COL4A2: variants seen among roughly 807,000 people sequenced by gnomAD.
COL4A2 encodes the protein collagen alpha-2(IV) chain.
COL4A2 carries 99 observed loss-of-function variants against 200.2 expected under a neutral mutation model. The observed-to-expected ratio is 0.49, with a 90% CI of 0.42 to 0.58. COL4A2 has a LOEUF of 0.58. Among genes scored for constraint, COL4A2 ranks in the 20% least tolerant of loss-of-function variants. The pLI is 0.00. For synonymous variants in COL4A2, 897 were observed against 900.6 expected, an observed-to-expected ratio of 1.00 and a Z score of 0.07; for missense variants, 1,950 against 2,314.1, an observed-to-expected ratio of 0.84 and a Z score of 3.23.
intron 4 of COL4A2, 141 bp downstream of exon 4, chr13:110,357,693 T>A: frequency 7.8e-7 from 1 of 1,283,038 alleles, no homozygotes; most frequent in Non-Finnish European, 1.1e-6. Context: ...CACACAAACC[T>A]AGATGGCCGG....
At position 110,473,153 on chromosome 13, in the gene COL4A2, G is replaced by A. The variant is rs1218356969; in HGVS notation, c.2425+3G>A. 1.9e-6 allele frequency: 3 copies of A among 1,552,480 alleles called. No homozygotes were observed. The highest frequency in any genetic ancestry group is 2.6e-6 in the Non-Finnish European group (3 of 1,148,288). On this transcript the variant is annotated splice_donor_region_variant and intron_variant, in intron 29 of 47. Coordinates refer to ENST00000360467, the MANE Select transcript of COL4A2 (RefSeq NM_001846.4). The stretch of plus-strand genomic sequence containing the variant: ...CAGAGGCCCCCCTGGATTCAGAGGT[G>A]AGTGCCCCATCGGGGAGCCGGGGGC...
chr13:110,350,578 A>G (rs1045452688), intron 3 of COL4A2, among the ~76,000 whole-genome samples: 1 of 152,202 alleles, frequency 6.6e-6, no homozygotes, highest in Middle Eastern at 3.2e-3. Context: ...TGAACCTGTA[A>G]TAACTCCTAC....
chr13:110,426,022 G>A (rs2139455341), intron 6 of COL4A2, among the ~76,000 whole-genome samples: 1 of 152,268 alleles, frequency 6.6e-6, no homozygotes, highest in South Asian at 2.1e-4. Flanking sequence ...CAGGCACTTG[G>A]GTTTACCACA....
intron 15 of COL4A2, among the ~76,000 whole-genome samples, chr13:110,439,438 G>A (rs1881039518): frequency 6.6e-6 from 1 of 152,136 alleles, no homozygotes; most frequent in Non-Finnish European, 1.5e-5. Context: ...TGAAAGTATT[G>A]CTAAAATGAT....
At position 110,358,195 on chromosome 13, in the gene COL4A2, T is replaced by C. The variant is rs553963201; in HGVS notation, c.180+643T>C. 1.9e-3 allele frequency among the ~76,000 whole-genome samples: 289 copies of C among 152,338 alleles called. 2 individuals are homozygous for C. Among genetic ancestry groups the C allele is most frequent in the Non-Finnish European group, 2.8e-3 (188 of 68,032 alleles). On this transcript the variant is annotated intron_variant, in intron 4 of 47. Coordinates refer to ENST00000360467, the MANE Select transcript of COL4A2 (RefSeq NM_001846.4). ...CGTTTTTATTCGATGTTTTTTTCTATTAAAAAAATTTTTTTTTACTTTTTA... is the reference window on the plus strand; with the variant it reads ...CGTTTTTATTCGATGTTTTTTTCTACTAAAAAAATTTTTTTTTACTTTTTA...
At chr13:110,449,307 A>G (rs888554443) in intron 18 of COL4A2, among the ~76,000 whole-genome samples, 7 of 145,734 alleles carry the variant, frequency 4.8e-5, no homozygotes, top group African/African-American at 1.2e-4. Context: ...TTTGTTATGC[A>G]TCCAGCAGAC....
intron 4 of COL4A2, among the ~76,000 whole-genome samples, chr13:110,416,715 A>G (rs898815019): frequency 6.6e-6 from 1 of 152,226 alleles, no homozygotes. Flanking sequence ...ATAAAACTAT[A>G]TAATAGCATC....
intron 3 of COL4A2, among the ~76,000 whole-genome samples, chr13:110,350,566 G>GCTGAACCTGTAATAA (rs1309381164): frequency 2.6e-5 from 4 of 152,208 alleles, no homozygotes; most frequent in African/African-American, 9.6e-5. Context: ...CATGGAACAT[G>GCTGAACCTGTAATAA]CTGAACCTGT....
intron 34 of COL4A2, 44 bp from the exon 35 acceptor site, chr13:110,489,401 G>T: frequency 6.3e-7 from 1 of 1,588,494 alleles, no homozygotes; most frequent in South Asian, 1.1e-5. Flanking sequence ...AGTTACAACT[G>T]ACTTCGCTAA....
In COL4A2 at chr13:110,307,881, C is replaced by A. The variant is rs1408047567; in HGVS notation, c.-23C>A. ...CTAGGCTAAGTGGGACTGACCGGGG[C>A]CCAGAGTGGACGAACCGCCAGCATG... On this transcript the variant is annotated 5_prime_UTR_variant, in exon 2 of 48. Transcript: ENST00000360467. The surrounding 1 kb of genome is among the most constrained non-coding windows in gnomAD (Gnocchi z 5.0). 6.2e-7 allele frequency: 1 copy of A among 1,609,502 alleles called. No individual in the cohort carries two copies. The highest frequency in any genetic ancestry group is 8.5e-7 in the Non-Finnish European group (1 of 1,177,790).
intron 23 of COL4A2, 28 bp downstream of exon 23, chr13:110,462,214 C>G: frequency 6.2e-7 from 1 of 1,614,256 alleles, no homozygotes; most frequent in East Asian, 2.2e-5. Flanking sequence ...CACGCGGCCC[C>G]TGGGGCACTG....
At chr13:110,429,551 A>C (rs1179730790) in intron 7 of COL4A2, among the ~76,000 whole-genome samples, 1 of 152,258 alleles carries the variant, frequency 6.6e-6, no homozygotes, top group Non-Finnish European at 1.5e-5. Flanking sequence ...ATGCCAAAGA[A>C]AGCACGTAAT....
intron 47 of COL4A2, among the ~76,000 whole-genome samples, chr13:110,511,289 G>A (rs1378718018): frequency 1.3e-5 from 2 of 151,082 alleles, no homozygotes; most frequent in Admixed American, 6.6e-5. Context: ...GCCAGCCTCA[G>A]AATCAACTAT....
At chr13:110,416,171 A>G (rs917277134) in intron 4 of COL4A2, among the ~76,000 whole-genome samples, 1 of 152,264 alleles carries the variant, frequency 6.6e-6, no homozygotes, top group African/African-American at 2.4e-5. Flanking sequence ...TCCAGGCTGC[A>G]TGAGGGTGAT....
Position 110,457,368 on chromosome 13 carries a change from A to G in COL4A2, c.1365A>G (p.Ala455=), listed in dbSNP as rs375636262. ...PDGFLFGLKG[A]KGRAGFPGLP... ...GCTTCCTGTTTGGGCTGAAAGGAGC[A>G]AAAGGAAGAGCAGGCTTCCCTGGGC... The change falls in exon 21 of 48, where the codon GCA becomes GCG. Residue 455 remains alanine, a synonymous_variant. Transcript: ENST00000360467. The G allele has an allele frequency of 2.2e-5, 35 of 1,613,174 alleles. No individual in the cohort carries two copies. In the African/African-American group the frequency reaches 4.5e-4, roughly 21 times the overall value.
At chr13:110,487,653 A>G (rs1883157777) in intron 34 of COL4A2, among the ~76,000 whole-genome samples, 1 of 152,236 alleles carries the variant, frequency 6.6e-6, no homozygotes. Flanking sequence ...GCAATAAATG[A>G]GAATTCTTGG....
intron 4 of COL4A2, among the ~76,000 whole-genome samples, chr13:110,398,475 A>AT (rs1429544494): frequency 1.3e-5 from 2 of 152,164 alleles, no homozygotes; most frequent in African/African-American, 2.4e-5. Context: ...CCCGGTCAAC[A>AT]TGGTGAAACC....
chr13:110,393,226 C>G (rs1365585062), intron 4 of COL4A2, among the ~76,000 whole-genome samples: 2 of 152,186 alleles, frequency 1.3e-5, no homozygotes, highest in Admixed American at 6.5e-5. Flanking sequence ...TTTCTTTTCT[C>G]TAACAAGCTC....
At chr13:110,410,221 A>T (rs1482711685) in intron 4 of COL4A2, among the ~76,000 whole-genome samples, 1 of 152,186 alleles carries the variant, frequency 6.6e-6, no homozygotes, top group East Asian at 1.9e-4. Flanking sequence ...CTGCTCAGCC[A>T]CTCGTGGGCC....
Sources: allele counts gnomAD v4.1 joint callset (sites outside exome capture counted in the v4.1 genomes callset), GRCh38; gene constraint gnomAD v4.1.1; non-coding constraint Gnocchi (gnomAD v3.1); transcripts MANE v1.5; gene names NCBI Gene and HGNC (gene_info 2026-07-23, HGNC 2026-07-21).